The following TNS1 variants were observed in gnomAD, a reference collection of about 807,000 sequenced individuals.
TNS1 encodes tensin 1, also known as tensin-1.
A neutral mutation model predicts 168.6 loss-of-function variants in TNS1; 62 were observed. That is an observed-to-expected ratio of 0.37 (90% CI 0.30 to 0.45). The LOEUF (loss-of-function observed/expected upper bound fraction) is 0.45, where lower values mean the gene tolerates loss of function less well. Among genes scored for constraint, TNS1 ranks in the 20% least tolerant of loss-of-function variants. The pLI, the probability that TNS1 is intolerant of heterozygous loss-of-function variation, is 1.00. For missense variants in TNS1, 2,240 were observed against 2,339.4 expected (o/e 0.96, Z 0.88); for synonymous variants, 934 against 933.2 (o/e 1.00, Z -0.02).
intron 23 of TNS1, among the ~76,000 whole-genome samples, chr2:217,820,759 C>CTTCA (rs1409389341): frequency 6.6e-6 from 1 of 152,140 alleles, no homozygotes. Flanking sequence ...TCCCCTCCAC[C>CTTCA]TTCACCCCCA....
chr2:217,991,600 T>A (rs1003673633), intron 1 of TNS1, among the ~76,000 whole-genome samples: 1 of 152,124 alleles, frequency 6.6e-6, no homozygotes, highest in African/African-American at 2.4e-5. Flanking sequence ...TCACACACCA[T>A]GAATCTGAGG....
chr2:217,994,460 C>T (rs1338979726), intron 1 of TNS1, among the ~76,000 whole-genome samples: 3 of 152,172 alleles, frequency 2.0e-5, no homozygotes, highest in Admixed American at 6.5e-5. Context: ...AACCCACAAG[C>T]CTGTCTCTCC....
intron 22 of TNS1, chr2:217,829,710 C>T: frequency 3.1e-6 from 3 of 981,560 alleles, no homozygotes; most frequent in Admixed American, 1.9e-5. Flanking sequence ...CGTTGGGGGA[C>T]AGGAAGGCCA....
chr2:217,813,393 G>A lies in TNS1; in HGVS notation c.4862-86C>T. ...CCAAGACTGCTTCAAAACTTCCGCA[G>A]TGTGCGGGGCCAAGATGGGAGAAAT... is the stretch of plus-strand genomic sequence containing the variant. On this transcript the variant is annotated intron_variant, in intron 26 of 32. Transcript: ENST00000682258. This position sits in a 1 kb window ranked among gnomAD's most constrained non-coding sequence, Gnocchi z 4.0. 8.4e-7 allele frequency: 1 copy of A among 1,191,952 alleles called. No individual in the cohort carries two copies. Among genetic ancestry groups the A allele is most frequent in the Non-Finnish European group, 1.2e-6 (1 of 820,796 alleles). 73.8% of individuals were successfully genotyped at this position (1,191,952 alleles called of 1,614,324 possible).
At chr2:217,864,283 G>A (rs892519078) in intron 18 of TNS1, among the ~76,000 whole-genome samples, 2 of 152,238 alleles carry the variant, frequency 1.3e-5, no homozygotes, top group Non-Finnish European at 2.9e-5. Flanking sequence ...GGCTTTGGGA[G>A]CAAGGGCGAA....
At chr2:217,894,030 G>A (rs974141788) in intron 9 of TNS1, among the ~76,000 whole-genome samples, 9 of 152,304 alleles carry the variant, frequency 5.9e-5, no homozygotes, top group Non-Finnish European at 1.2e-4. Context: ...GCTGCCTGAT[G>A]TTCATGACTC....
intron 18 of TNS1, among the ~76,000 whole-genome samples, chr2:217,850,927 C>T (rs1000149056): frequency 1.4e-4 from 22 of 152,314 alleles, no homozygotes; most frequent in Middle Eastern, 3.4e-3. Flanking sequence ...GCACTCTACA[C>T]GCACATCCTC....
At chr2:217,941,739 C>T (rs1017366670) in intron 3 of TNS1, among the ~76,000 whole-genome samples, 3 of 152,190 alleles carry the variant, frequency 2.0e-5, no homozygotes, top group Non-Finnish European at 4.4e-5. Context: ...TCTAAACTCC[C>T]CCCAGTACAA....
intron 7 of TNS1, among the ~76,000 whole-genome samples, chr2:217,899,279 G>A (rs1952672029): frequency 6.6e-6 from 1 of 152,284 alleles, no homozygotes; most frequent in South Asian, 2.1e-4. Flanking sequence ...AAGGAGCCCG[G>A]TTTGAGTTTG....
chr2:217,826,009 A>G (rs1362393462), intron 22 of TNS1, among the ~76,000 whole-genome samples: 3 of 152,132 alleles, frequency 2.0e-5, no homozygotes, highest in Admixed American at 6.5e-5. Flanking sequence ...TTGGGTGGCC[A>G]ACCTAGCCAA....
Position 217,893,430 on chromosome 2 carries a change from A to G in TNS1, c.717+9T>C, listed in dbSNP as rs1255707636. ...CACACACACACACACACACACACAC[A>G]GCTCTGACCTTGTTGTGTAGAACAA... On this transcript the variant is annotated intron_variant, in intron 10 of 32. Transcript: ENST00000682258. 6.3e-7 allele frequency: 1 copy of G among 1,591,460 alleles called. No individual in the cohort carries two copies. The highest frequency in any genetic ancestry group is 8.6e-7 in the Non-Finnish European group (1 of 1,166,174).
chr2:217,982,862 G>A (rs190334917), intron 2 of TNS1, among the ~76,000 whole-genome samples: 1 of 152,284 alleles, frequency 6.6e-6, no homozygotes, highest in African/African-American at 2.4e-5. Flanking sequence ...GCTGCTTGGT[G>A]CCTGCAAACT....
chr2:217,801,962 G>C lies in TNS1; in HGVS notation c.*2497C>G, dbSNP rs1002677733. The C allele has an allele frequency of 6.6e-6, 1 of 152,308 alleles. No homozygotes were observed. The highest frequency in any genetic ancestry group is 2.4e-5 in the African/African-American group (1 of 41,456). 9.4% of individuals were successfully genotyped at this position (152,308 alleles called of 1,614,324 possible). ...TGGCCATGCATGCAAGGTGGGCTGT[G>C]GTGGGTGGTGAGGAAGGGAAAAGCG... On this transcript the variant is annotated 3_prime_UTR_variant, in exon 33 of 33. Coordinates refer to ENST00000682258, the MANE Select transcript of TNS1 (RefSeq NM_001387777.1).
Position 217,966,038 on chromosome 2 carries a change from C to G in TNS1, c.186+12727G>C, listed in dbSNP as rs1001161030. Among the ~76,000 whole-genome samples the G allele has an allele frequency of 8.5e-5, 13 of 152,148 alleles. 1 individual carries two copies. Among genetic ancestry groups the G allele is most frequent in the Non-Finnish European group, 1.3e-4 (9 of 68,030 alleles). On this transcript the variant is annotated intron_variant, in intron 3 of 32. Transcript: ENST00000682258. ...CTCTCTCTCTCTCCATTCTCCATCT[C>G]CCATTTGCCCTTCTCTCTGCTCTGG... is the stretch of plus-strand genomic sequence containing the variant.
At chr2:217,940,506 A>C (rs1220333119) in intron 3 of TNS1, among the ~76,000 whole-genome samples, 1 of 152,108 alleles carries the variant, frequency 6.6e-6, no homozygotes, top group African/African-American at 2.4e-5. Flanking sequence ...CCTTCCCTGC[A>C]CAACCCTCCC....
intron 22 of TNS1, among the ~76,000 whole-genome samples, chr2:217,826,149 T>C (rs947878653): frequency 6.6e-6 from 1 of 152,102 alleles, no homozygotes; most frequent in Non-Finnish European, 1.5e-5. Flanking sequence ...GCCCTTCCAG[T>C]CCCAGATCAT....
chr2:217,834,319 C>T (rs994094674), intron 21 of TNS1, among the ~76,000 whole-genome samples: 2 of 152,260 alleles, frequency 1.3e-5, no homozygotes, highest in Non-Finnish European at 2.9e-5. Context: ...GCCCAGCCAA[C>T]CTGATCCCTG....
intron 2 of TNS1, among the ~76,000 whole-genome samples, chr2:217,987,664 G>A (rs1315622041): frequency 6.6e-6 from 1 of 152,158 alleles, no homozygotes; most frequent in Non-Finnish European, 1.5e-5. Flanking sequence ...TGGGAATCCA[G>A]GGCCTTGACA....
intron 19 of TNS1, among the ~76,000 whole-genome samples, chr2:217,845,067 A>T (rs1287102331): frequency 1.3e-5 from 2 of 152,246 alleles, no homozygotes; most frequent in Non-Finnish European, 2.9e-5. Context: ...ATCAAATTAG[A>T]AAACTGCCCC....
Sources: gnomAD v4.1 joint callset for allele counts (sites outside exome capture counted in the v4.1 genomes callset) on GRCh38, gnomAD v4.1.1 for gene constraint, Gnocchi (gnomAD v3.1) non-coding constraint, MANE v1.5 for transcripts, NCBI Gene and HGNC (gene_info 2026-07-23, HGNC 2026-07-21) for gene names.